The following PVALEF variants were observed in gnomAD, a reference collection of about 807,000 sequenced individuals.
PVALEF encodes the protein parvalbumin like EF-hand containing.
PVALEF carries 2 observed loss-of-function variants against 1.2 expected under a neutral mutation model. That is an observed-to-expected ratio of 1.68 (90% CI 0.69 to 5.28). PVALEF has a LOEUF of 5.28. Ranked by LOEUF, PVALEF falls within the 30% of genes most tolerant of loss-of-function variation. The pLI is 0.06. For synonymous variants in PVALEF, 16 were observed against 6.5 expected (o/e 2.47, Z -2.24); for missense variants, 35 against 17.7 (o/e 1.97, Z -1.75).
chr17:81,170,100 T>C (rs960438966), intron 2 of PVALEF, among the ~76,000 whole-genome samples: 2 of 145,344 alleles, frequency 1.4e-5, no homozygotes, highest in Non-Finnish European at 1.5e-5. Context: ...GTGTGTTGGT[T>C]TGTGTGTCTG....
intron 1 of PVALEF, 192 bp downstream of exon 1, chr17:81,165,939 G>C (rs538006330): frequency 5.1e-6 from 8 of 1,581,030 alleles, no homozygotes; most frequent in East Asian, 2.3e-5. Context: ...GGGACTCACC[G>C]GGGTCGAAGT....
intron 1 of PVALEF, chr17:81,166,020 C>T (rs1479000164): frequency 3.3e-6 from 5 of 1,529,622 alleles, no homozygotes; most frequent in East Asian, 5.3e-5. Flanking sequence ...GCGGGCATCC[C>T]GGGAGGGCGC....
chr17:81,172,747 G>C (rs930664320), intron 2 of PVALEF, among the ~76,000 whole-genome samples: 2 of 152,124 alleles, frequency 1.3e-5, no homozygotes, highest in Non-Finnish European at 2.9e-5. Context: ...CTGGGCGACA[G>C]AGCGAGACTC....
At chr17:81,177,285 C>T (rs1270970297) in intron 2 of PVALEF, among the ~76,000 whole-genome samples, 3 of 146,912 alleles carry the variant, frequency 2.0e-5, no homozygotes, top group South Asian at 4.3e-4. Context: ...CAGTGGCTCA[C>T]GCCTGTAATC....
rs148214133 is a variant in PVALEF at position 81,173,269 on chromosome 17, C to T, written c.-339-5649C>T. 1.1e-3 allele frequency among the ~76,000 whole-genome samples: 174 copies of T among 152,286 alleles called. 1 individual carries two copies. The highest frequency in any genetic ancestry group is 3.7e-3 in the African/African-American group (154 of 41,570). ...ATGGTTCCCTGGCCCCTGCAGTGAC[C>T]CATGGACAGACAGCTGCTCAGGCCT... On this transcript the variant is annotated intron_variant, in intron 2 of 6. Transcript: ENST00000637878.
rs1479502567 is a variant in PVALEF at position 81,181,983 on chromosome 17, TC to T, written c.264del (p.Ser89AlafsTer8). On this transcript the variant is annotated frameshift_variant, in exon 6 of 7. Transcript: ENST00000637878. LOFTEE classifies it high-confidence loss of function. ...WNEIKYILSI[I>X]PSSGPTTPLT... is the part of the protein sequence containing the mutation. The stretch of plus-strand genomic sequence containing the variant: ...GGCCCCAGGTACATCCTGTCCATCA[TC>T]CCCAGCAGCGGGCCCACCACCCCGC... 5.0e-6 allele frequency: 2 copies of T among 398,370 alleles called. No individual in the cohort carries two copies. The highest frequency in any genetic ancestry group is 4.4e-6 in the Non-Finnish European group (1 of 226,072). 24.7% of individuals were successfully genotyped at this position (398,370 alleles called of 1,614,324 possible). A position where few individuals can be genotyped will look rare whatever the true frequency, so the allele number is the denominator to read the frequency against.
Position 81,167,582 on chromosome 17 carries a change from C to A in PVALEF, c.-340+738C>A, listed in dbSNP as rs1038759062. On this transcript the variant is annotated intron_variant, in intron 2 of 6. Transcript: ENST00000637878. ...CCACGGGGCAGATGGGCACCAGGACCCACCCTTCTTTTCCTAAGGGGGTCC... is the reference window on the plus strand; with the variant it reads ...CCACGGGGCAGATGGGCACCAGGACACACCCTTCTTTTCCTAAGGGGGTCC... Among the ~76,000 whole-genome samples the A allele has an allele frequency of 4.6e-5, 7 of 152,298 alleles. No individual in the cohort carries two copies. The South Asian group carries it at 1.4e-3, about 32-fold the overall frequency.
At chr17:81,176,813 C>G (rs12103616) in intron 2 of PVALEF, among the ~76,000 whole-genome samples, 39,019 of 151,932 alleles carry the variant, frequency 0.26, 5,224 homozygotes, top group Non-Finnish European at 0.29. Context: ...GTACACCCAT[C>G]TTCATAGCAG....
intron 6 of PVALEF, among the ~76,000 whole-genome samples, chr17:81,182,392 G>A (rs764110235): frequency 4.4e-4 from 67 of 152,318 alleles, no homozygotes; most frequent in Admixed American, 4.6e-4. Context: ...TGAGGTCTGG[G>A]CCATCTCACC....
In PVALEF at chr17:81,166,744, G is replaced by A. The variant is rs1376540269; in HGVS notation, c.-440G>A. The A allele has an allele frequency of 8.8e-6, 4 of 456,370 alleles. No homozygotes were observed. Among genetic ancestry groups the A allele is most frequent in the East Asian group, 7.0e-5 (1 of 14,366 alleles). The allele number at this position is 456,370 out of a possible 1,614,324, so 28.3% of individuals were successfully genotyped here. On this transcript the variant is annotated 5_prime_UTR_variant, in exon 2 of 7. Coordinates refer to ENST00000637878, the MANE Select transcript of PVALEF (RefSeq NM_001354639.2). Reference sequence around the variant, plus strand: ...TGGGTGGCACCTGTGCTGGTGGAGTGGGGGTGGCTGGCTTTGCACACAGGC... The same window carrying A: ...TGGGTGGCACCTGTGCTGGTGGAGTAGGGGTGGCTGGCTTTGCACACAGGC...
chr17:81,172,269 A>G (rs2061523169), intron 2 of PVALEF, among the ~76,000 whole-genome samples: 1 of 152,138 alleles, frequency 6.6e-6, no homozygotes, highest in Non-Finnish European at 1.5e-5. Context: ...ACCCGGGACA[A>G]CCCCACACAG....
chr17:81,179,221 C>G (rs2061545460), intron 3 of PVALEF, 69 bp downstream of exon 3: 3 of 269,254 alleles, frequency 1.1e-5, no homozygotes, highest in African/African-American at 6.8e-5. Flanking sequence ...ATGGTGGGAA[C>G]TTGGAGGCCT....
At chr17:81,173,411 C>T (rs1396139953) in intron 2 of PVALEF, among the ~76,000 whole-genome samples, 2 of 152,198 alleles carry the variant, frequency 1.3e-5, no homozygotes, top group African/African-American at 2.4e-5. Flanking sequence ...CATGGACCCT[C>T]GCATTCTCCC....
At chr17:81,166,507 G>GGGT (rs1598243470) in intron 1 of PVALEF, among the ~76,000 whole-genome samples, 170 bp from the exon 2 acceptor site, 1 of 98,912 alleles carries the variant, frequency 1.0e-5, no homozygotes, top group Non-Finnish European at 2.2e-5. Context: ...GGCTGGCGGG[G>GGGT]GGGGGGGAAA....
At chr17:81,176,584 A>T (rs560377384) in intron 2 of PVALEF, among the ~76,000 whole-genome samples, 1 of 140,172 alleles carries the variant, frequency 7.1e-6, no homozygotes, top group South Asian at 2.2e-4. Context: ...GGCTGCTATT[A>T]AAAAAAAAAA....
intron 6 of PVALEF, 79 bp downstream of exon 6, chr17:81,182,160 C>T (rs1379960695): frequency 2.5e-6 from 1 of 398,056 alleles, no homozygotes; most frequent in Non-Finnish European, 4.4e-6. Context: ...GGCCCCGCCC[C>T]GAGGGCACTG....
chr17:81,180,153 C>G (rs972212750), intron 3 of PVALEF, among the ~76,000 whole-genome samples: 1 of 152,200 alleles, frequency 6.6e-6, no homozygotes, highest in African/African-American at 2.4e-5. Context: ...TTGGGGGCAC[C>G]CCTGAGAGCA....
intron 2 of PVALEF, among the ~76,000 whole-genome samples, chr17:81,174,885 G>A (rs1373629522): frequency 6.7e-6 from 1 of 150,262 alleles, no homozygotes; most frequent in Non-Finnish European, 1.5e-5. Flanking sequence ...GTAGGCGGAG[G>A]TTGCAGTGAG....
rs372423245 is a variant in PVALEF at position 81,181,119 on chromosome 17, A to G, written c.-104-4A>G. ...TGACGCCTGTCACCATTCCCACTTT[A>G]CAGCAGGATCCAGCACCACGCGGCG... On this transcript the variant is annotated splice_region_variant and splice_polypyrimidine_tract_variant and intron_variant, in intron 3 of 6. Transcript: ENST00000637878. 7 of 656,630 alleles carry G rather than the reference A, an allele frequency of 1.1e-5. No homozygotes were observed. The African/African-American group carries it at 1.1e-4, about 10-fold the overall frequency. 40.7% of individuals were successfully genotyped at this position (656,630 alleles called of 1,614,324 possible).
Sources: allele counts gnomAD v4.1 joint callset (sites outside exome capture counted in the v4.1 genomes callset), GRCh38; gene constraint gnomAD v4.1.1; transcripts MANE v1.5; gene names NCBI Gene and HGNC (gene_info 2026-07-23, HGNC 2026-07-21).